Variants in REV1 observed in about 807,000 individuals in gnomAD.
The protein encoded by REV1 is translesion synthesis protein REV1.
Under a neutral mutation model 137.4 loss-of-function variants are expected in REV1, and 42 were observed. That is an observed-to-expected ratio of 0.31 (90% CI 0.24 to 0.40). The LOEUF is 0.40. Among genes scored for constraint, REV1 ranks in the 10% least tolerant of loss-of-function variants. The pLI is 1.00. For synonymous variants in REV1, 524 were observed against 519.2 expected (o/e 1.01, Z -0.12); for missense variants, 1,282 against 1,490.1 (o/e 0.86, Z 2.30).
At chr2:99,474,659 T>C (rs1685772564) in intron 1 of REV1, among the ~76,000 whole-genome samples, 1 of 152,118 alleles carries the variant, frequency 6.6e-6, no homozygotes, top group Admixed American at 6.6e-5. Context: ...TCCAGCACTT[T>C]GGGAGGCTGA....
chr2:99,418,846 GCTGGCCT>G lies in REV1; in HGVS notation c.1926_1932del (p.Arg642SerfsTer2). 6.2e-7 allele frequency: 1 copy of G among 1,612,308 alleles called. No homozygotes were observed. The highest frequency in any genetic ancestry group is 8.5e-7 in the Non-Finnish European group (1 of 1,178,672). ...TATTTACCTGGTAGATTGGTCACTA[GCTGGCCT>G]CTGATAAAATCATCTACTTCTTCTG... On this transcript the variant is annotated frameshift_variant, in exon 12 of 23. Coordinates refer to ENST00000258428, the MANE Select transcript of REV1 (RefSeq NM_016316.4). LOFTEE classifies it high-confidence loss of function.
Position 99,442,468 on chromosome 2 carries a change from T to C in REV1, c.352A>G (p.Ile118Val). ...TAGGAGAGGAGTCGTCCAGCTTTGA[T>C]GCTGAAACAAAAAGCAACACCAATT... The part of the protein sequence containing the change: ...VIRPEWIVES[I>V]KAGRLLSYIP... The change falls in exon 5 of 23, where the codon ATC becomes GTC. Residue 118 changes from isoleucine (I) to valine (V), a missense_variant and splice_region_variant. Physicochemically the swap from Ile to Val is conservative, Grantham distance 29. Around this residue, in one of 7 missense-constraint regions of REV1, gnomAD observed 107 missense variants for 164.3 expected, o/e 0.65. Transcript: ENST00000258428. 1 of 1,611,324 alleles carries C rather than the reference T, an allele frequency of 6.2e-7. No homozygotes were observed. Among genetic ancestry groups the C allele is most frequent in the Non-Finnish European group, 8.5e-7 (1 of 1,179,256 alleles).
chr2:99,476,897 C>T (rs539332161), intron 1 of REV1, among the ~76,000 whole-genome samples: 1 of 152,334 alleles, frequency 6.6e-6, no homozygotes, highest in East Asian at 1.9e-4. Context: ...GTGGACTCTT[C>T]TGTGTGCCCC....
intron 7 of REV1, among the ~76,000 whole-genome samples, 161 bp from the exon 8 acceptor site, chr2:99,434,609 A>G (rs1030423027): frequency 6.6e-6 from 1 of 152,208 alleles, no homozygotes; most frequent in African/African-American, 2.4e-5. Context: ...ATTATCAATC[A>G]CCATGTAAAT....
intron 4 of REV1, 22 bp downstream of exon 4, chr2:99,449,314 A>T: frequency 7.4e-7 from 1 of 1,353,340 alleles, no homozygotes; most frequent in Non-Finnish European, 9.9e-7. Flanking sequence ...TTTATTAATT[A>T]AATTTAATAA....
intron 9 of REV1, among the ~76,000 whole-genome samples, chr2:99,425,442 C>T (rs1009375884): frequency 2.0e-5 from 3 of 152,096 alleles, no homozygotes; most frequent in African/African-American, 4.8e-5. Context: ...GAGGACTTAG[C>T]GAGGTGCTGG....
At chr2:99,452,907 A>G (rs1213849740) in intron 3 of REV1, among the ~76,000 whole-genome samples, 1 of 152,230 alleles carries the variant, frequency 6.6e-6, no homozygotes, top group East Asian at 1.9e-4. Context: ...TCCTGGCTCC[A>G]TCATTTGCTA....
intron 6 of REV1, 36 bp from the exon 7 acceptor site, chr2:99,435,977 A>C (rs771257262): frequency 8.7e-7 from 1 of 1,145,712 alleles, no homozygotes; most frequent in East Asian, 2.4e-5. Context: ...ACCCCAAGCT[A>C]ATTTTTACTA....
chr2:99,407,896 C>T, intron 15 of REV1, 133 bp downstream of exon 15: 3 of 444,600 alleles, frequency 6.7e-6, no homozygotes, highest in East Asian at 6.8e-5. Context: ...TTCTCTTTTC[C>T]TTGTATTACA....
intron 1 of REV1, among the ~76,000 whole-genome samples, chr2:99,473,525 A>G (rs146065843): frequency 2.0e-5 from 3 of 152,356 alleles, no homozygotes; most frequent in Non-Finnish European, 4.4e-5. Flanking sequence ...CATTCTAAGC[A>G]TAGTGCTGCG....
At chr2:99,441,309 CT>C (rs1039993372) in intron 5 of REV1, among the ~76,000 whole-genome samples, 5 of 152,020 alleles carry the variant, frequency 3.3e-5, no homozygotes, top group African/African-American at 1.2e-4. Context: ...AATTAGACTC[CT>C]GGTGTTTTCG....
chr2:99,458,481 T>C (rs1683779089), intron 3 of REV1, among the ~76,000 whole-genome samples: 1 of 152,198 alleles, frequency 6.6e-6, no homozygotes, highest in South Asian at 2.1e-4. Context: ...ACAAGGCTAG[T>C]GGGAGTATAA....
chr2:99,451,611 T>C, intron 3 of REV1: 1 of 586,930 alleles, frequency 1.7e-6, no homozygotes, highest in Non-Finnish European at 2.9e-6. Context: ...TTAACTTCTT[T>C]AGGCTTTCTC....
chr2:99,409,867 C>CGA (rs1491343028), intron 14 of REV1, among the ~76,000 whole-genome samples: 3 of 109,476 alleles, frequency 2.7e-5, no homozygotes, highest in African/African-American at 6.9e-5. Context: ...CCCCCCCCCC[C>CGA]AAAAAAAACA....
At chr2:99,419,373 C>T (rs574345765) in intron 11 of REV1, among the ~76,000 whole-genome samples, 7 of 151,906 alleles carry the variant, frequency 4.6e-5, no homozygotes, top group Non-Finnish European at 8.8e-5. Flanking sequence ...CCACCATGCC[C>T]GGCTAATTTT....
intron 5 of REV1, 138 bp from the exon 6 acceptor site, chr2:99,439,448 G>A (rs1195774223): frequency 2.0e-5 from 10 of 507,490 alleles, no homozygotes; most frequent in Admixed American, 1.1e-4. Flanking sequence ...ATTGAATATT[G>A]ACAATGAAAA....
At position 99,402,412 on chromosome 2, in the gene REV1, T is replaced by C. The variant is rs889175880; in HGVS notation, c.3542-66A>G. 1.2e-5 allele frequency: 10 copies of C among 863,222 alleles called. 1 individual carries two copies. The highest frequency in any genetic ancestry group is 4.3e-4 in the Middle Eastern group (2 of 4,660). 53.5% of individuals were successfully genotyped at this position (863,222 alleles called of 1,614,324 possible). ...TGAAGGAGAAAGTCAGAGATCTGCA[T>C]GGATAAAGGAAAACTGCATTTCTAC... On this transcript the variant is annotated intron_variant, in intron 21 of 22. Transcript: ENST00000258428.
At chr2:99,488,267 T>C (rs1196009658) in intron 1 of REV1, among the ~76,000 whole-genome samples, 1 of 119,158 alleles carries the variant, frequency 8.4e-6, no homozygotes, top group African/African-American at 3.0e-5. Flanking sequence ...GAGTGGGAAG[T>C]TGGAAATGTA....
intron 8 of REV1, among the ~76,000 whole-genome samples, chr2:99,430,990 TAACA>T (rs931123785): frequency 6.6e-6 from 1 of 152,192 alleles, no homozygotes; most frequent in African/African-American, 2.4e-5. Flanking sequence ...GAGTGCACTG[TAACA>T]ACACATAACT....
Sources: gnomAD v4.1 joint callset for allele counts (sites outside exome capture counted in the v4.1 genomes callset) on GRCh38, gnomAD v4.1.1 for gene constraint, gnomAD v4.1.1 regional missense constraint, MANE v1.5 for transcripts, NCBI Gene and HGNC (gene_info 2026-07-23, HGNC 2026-07-21) for gene names.